RNF220: variants seen among roughly 807,000 people sequenced by gnomAD.
The protein encoded by RNF220 is ring finger protein 220, also known as E3 ubiquitin-protein ligase RNF220.
Under a neutral mutation model 67.1 loss-of-function variants are expected in RNF220, and 7 were observed. The ratio of observed to expected loss-of-function variants is 0.10; its 90% CI spans 0.06 to 0.20. The LOEUF is 0.20. RNF220 is among the 10% of genes least tolerant of loss of function. RNF220 has a pLI of 1.00. For missense variants in RNF220, 565 were observed against 740.3 expected, an observed-to-expected ratio of 0.76 and a Z score of 2.75; for synonymous variants, 270 against 283.2, an observed-to-expected ratio of 0.95 and a Z score of 0.47.
chr1:44,423,309 C>A (rs1489989004), intron 2 of RNF220, among the ~76,000 whole-genome samples: 2 of 152,110 alleles, frequency 1.3e-5, no homozygotes. Flanking sequence ...CCAGAATTGC[C>A]AAGGATTGCT....
At chr1:44,479,760 A>G (rs939936007) in intron 2 of RNF220, among the ~76,000 whole-genome samples, 9 of 152,192 alleles carry the variant, frequency 5.9e-5, no homozygotes, top group African/African-American at 1.7e-4. Flanking sequence ...TTTCAACCCC[A>G]CAAATTCTGG....
At chr1:44,581,831 C>G (rs948336286) in intron 2 of RNF220, among the ~76,000 whole-genome samples, 1 of 152,196 alleles carries the variant, frequency 6.6e-6, no homozygotes, top group Non-Finnish European at 1.5e-5. Context: ...TCTTCTTGCT[C>G]CATTCTTGTG....
Position 44,622,908 on chromosome 1 carries a change from T to C in RNF220, c.804+121T>C, listed in dbSNP as rs1251989726. 1 of 794,322 alleles carries C rather than the reference T, an allele frequency of 1.3e-6. No individual in the cohort carries two copies. Among genetic ancestry groups the C allele is most frequent in the Non-Finnish European group, 2.2e-6 (1 of 462,302 alleles). 49.2% of individuals were successfully genotyped at this position (794,322 alleles called of 1,614,324 possible). On this transcript the variant is annotated intron_variant, in intron 4 of 14. Transcript: ENST00000361799. This position sits in a 1 kb window ranked among gnomAD's most constrained non-coding sequence, Gnocchi z 4.3. ...TCAACTATCTCCAGCTTTTCTAATATCCTCAACTATCTCCAGGTCTTGAAC... is the reference window on the plus strand; with the variant it reads ...TCAACTATCTCCAGCTTTTCTAATACCCTCAACTATCTCCAGGTCTTGAAC...
intron 2 of RNF220, among the ~76,000 whole-genome samples, chr1:44,502,738 A>C (rs955802453): frequency 3.3e-5 from 5 of 151,148 alleles, no homozygotes; most frequent in South Asian, 2.1e-4. Context: ...TACTACAGAA[A>C]AACGTGTGAA....
chr1:44,462,608 T>C (rs1653888061), intron 2 of RNF220, among the ~76,000 whole-genome samples: 1 of 152,202 alleles, frequency 6.6e-6, no homozygotes, highest in South Asian at 2.1e-4. Flanking sequence ...CTCTAAGCTA[T>C]CAGTTATAAA....
chr1:44,467,295 T>G (rs1376152370), intron 2 of RNF220, among the ~76,000 whole-genome samples: 1 of 152,220 alleles, frequency 6.6e-6, no homozygotes, highest in Non-Finnish European at 1.5e-5. Context: ...CACTGCAACC[T>G]CCACCTCCCA....
intron 2 of RNF220, among the ~76,000 whole-genome samples, chr1:44,602,189 T>C (rs1051840549): frequency 2.6e-5 from 4 of 152,064 alleles, no homozygotes; most frequent in Non-Finnish European, 4.4e-5. Context: ...GTCAGGACAG[T>C]GATGGGCTTC....
chr1:44,459,696 T>C (rs1653571119), intron 2 of RNF220, among the ~76,000 whole-genome samples: 1 of 152,050 alleles, frequency 6.6e-6, no homozygotes, highest in Non-Finnish European at 1.5e-5. Context: ...GGAACACCAC[T>C]GTGTAAGGGG....
intron 1 of RNF220, among the ~76,000 whole-genome samples, chr1:44,408,537 A>T (rs1647634111): frequency 6.6e-6 from 1 of 152,220 alleles, no homozygotes; most frequent in Admixed American, 6.5e-5. Context: ...CTGCGTTCTT[A>T]ACAACCCCCC....
chr1:44,511,297 C>T (rs2148124792), intron 2 of RNF220, among the ~76,000 whole-genome samples: 1 of 152,254 alleles, frequency 6.6e-6, no homozygotes, highest in East Asian at 1.9e-4. Flanking sequence ...ATCCCCGGGC[C>T]TGCGGGCAAG....
chr1:44,513,086 G>A (rs916498660), intron 2 of RNF220, among the ~76,000 whole-genome samples: 1 of 152,184 alleles, frequency 6.6e-6, no homozygotes, highest in Non-Finnish European at 1.5e-5. Context: ...TCCCTTAAGG[G>A]ATTTGGAGTC....
At chr1:44,647,221 G>A (rs1204602796) in intron 12 of RNF220, among the ~76,000 whole-genome samples, 3 of 152,192 alleles carry the variant, frequency 2.0e-5, no homozygotes, top group Non-Finnish European at 4.4e-5. Flanking sequence ...CCATTCTGGT[G>A]TAGGCTGCCC....
At chr1:44,438,713 G>A (rs988401024) in intron 2 of RNF220, among the ~76,000 whole-genome samples, 7 of 152,158 alleles carry the variant, frequency 4.6e-5, no homozygotes, top group African/African-American at 1.4e-4. Context: ...ACAACCTCCC[G>A]CTGGCTATCT....
chr1:44,406,110 C>G (rs1030459417), intron 1 of RNF220, among the ~76,000 whole-genome samples: 3 of 152,194 alleles, frequency 2.0e-5, no homozygotes, highest in Middle Eastern at 3.2e-3. Flanking sequence ...AGAAACTACC[C>G]CGACAGCCTC....
chr1:44,451,910 C>T (rs1170456147), intron 2 of RNF220, among the ~76,000 whole-genome samples: 3 of 152,320 alleles, frequency 2.0e-5, no homozygotes, highest in Middle Eastern at 3.4e-3. Context: ...TGAGCCACCG[C>T]GCCCAGCCTT....
chr1:44,500,058 A>G (rs1254614286), intron 2 of RNF220, among the ~76,000 whole-genome samples: 6 of 152,122 alleles, frequency 3.9e-5, no homozygotes, highest in Non-Finnish European at 5.9e-5. Context: ...GACAATTTCA[A>G]CAGAGTCCTT....
chr1:44,573,169 C>T (rs189331122), intron 2 of RNF220, among the ~76,000 whole-genome samples: 3 of 152,154 alleles, frequency 2.0e-5, no homozygotes, highest in East Asian at 3.9e-4. Flanking sequence ...AACCCTAAAA[C>T]GTCCCAGGCG....
intron 2 of RNF220, among the ~76,000 whole-genome samples, chr1:44,455,328 A>G (rs1482787144): frequency 6.6e-6 from 1 of 152,162 alleles, no homozygotes; most frequent in Non-Finnish European, 1.5e-5. Context: ...GAATCATAGG[A>G]GGGAGAGGAG....
chr1:44,609,744 C>T (rs1667531720), intron 2 of RNF220, among the ~76,000 whole-genome samples: 1 of 152,230 alleles, frequency 6.6e-6, no homozygotes, highest in Non-Finnish European at 1.5e-5. Flanking sequence ...TTGGCATGAC[C>T]TCTTCTCTCC....
Sources: allele counts gnomAD v4.1 joint callset (sites outside exome capture counted in the v4.1 genomes callset), GRCh38; gene constraint gnomAD v4.1.1; non-coding constraint Gnocchi (gnomAD v3.1); transcripts MANE v1.5; gene names NCBI Gene and HGNC (gene_info 2026-07-23, HGNC 2026-07-21).